Variants in NRG3 observed in about 807,000 individuals in gnomAD.
The protein encoded by NRG3 is neuregulin 3.
NRG3 carries 31 observed loss-of-function variants against 66.9 expected under a neutral mutation model. The observed-to-expected ratio is 0.46, with a 90% CI of 0.35 to 0.63. NRG3 has a LOEUF of 0.63. Among genes scored for constraint, NRG3 ranks in the 20% least tolerant of loss-of-function variants. The pLI is 0.00. For missense variants in NRG3, 910 were observed against 878.9 expected (o/e 1.04, Z -0.45); for synonymous variants, 393 against 359.4 (o/e 1.09, Z -1.06).
At chr10:82,884,469 G>A (rs1394182900) in intron 4 of NRG3, among the ~76,000 whole-genome samples, 1 of 152,002 alleles carries the variant, frequency 6.6e-6, no homozygotes, top group Admixed American at 6.6e-5. Context: ...TTTCTGTTTT[G>A]CCTGATTAAT....
intron 2 of NRG3, among the ~76,000 whole-genome samples, chr10:82,706,673 T>G (rs1027521239): frequency 5.3e-5 from 8 of 152,330 alleles, no homozygotes; most frequent in South Asian, 4.1e-4. Flanking sequence ...TTTGAATATT[T>G]TATTCCAGAC....
At chr10:82,237,688 A>T (rs746327447) in intron 1 of NRG3, among the ~76,000 whole-genome samples, 34 of 152,306 alleles carry the variant, frequency 2.2e-4, no homozygotes, top group Non-Finnish European at 4.4e-4. Context: ...TCCTCTGAGC[A>T]TAAATGGCTC....
At chr10:82,494,441 A>G (rs1359552876) in intron 2 of NRG3, among the ~76,000 whole-genome samples, 1 of 151,894 alleles carries the variant, frequency 6.6e-6, no homozygotes, top group Non-Finnish European at 1.5e-5. Flanking sequence ...AATTCCTTCC[A>G]CTATAGCTTT....
At chr10:82,838,837 G>C (rs2062909937) in intron 3 of NRG3, among the ~76,000 whole-genome samples, 1 of 152,064 alleles carries the variant, frequency 6.6e-6, no homozygotes, top group South Asian at 2.1e-4. Context: ...ACCCGAGACT[G>C]GGTAATTTAT....
At chr10:81,950,965 A>T (rs1485601194) in intron 1 of NRG3, among the ~76,000 whole-genome samples, 3 of 151,542 alleles carry the variant, frequency 2.0e-5, no homozygotes, top group Non-Finnish European at 2.9e-5. Context: ...GAAAAAAAAA[A>T]TTTAAAAATG....
At chr10:82,165,799 G>T (rs1272204198) in intron 1 of NRG3, among the ~76,000 whole-genome samples, 1 of 151,602 alleles carries the variant, frequency 6.6e-6, no homozygotes, top group Non-Finnish European at 1.5e-5. Context: ...ATAAGCCTTG[G>T]AAATCTAAGA....
At chr10:82,705,597 G>A (rs1010857428) in intron 2 of NRG3, among the ~76,000 whole-genome samples, 14 of 152,152 alleles carry the variant, frequency 9.2e-5, no homozygotes, top group African/African-American at 3.1e-4. Context: ...TATAACTCTG[G>A]TCTCAGAAGA....
intron 4 of NRG3, among the ~76,000 whole-genome samples, chr10:82,888,824 G>A (rs1323741670): frequency 3.3e-5 from 5 of 152,008 alleles, no homozygotes; most frequent in African/African-American, 1.2e-4. Flanking sequence ...TAAACAGGGA[G>A]CCAGGGAAGG....
At chr10:82,366,442 C>T (rs1001786828) in intron 2 of NRG3, among the ~76,000 whole-genome samples, 2 of 152,118 alleles carry the variant, frequency 1.3e-5, no homozygotes, top group Non-Finnish European at 2.9e-5. Context: ...GAATTCCTAT[C>T]GCTAATTTTA....
At chr10:82,782,581 G>A (rs998674329) in intron 3 of NRG3, among the ~76,000 whole-genome samples, 2 of 152,064 alleles carry the variant, frequency 1.3e-5, no homozygotes, top group African/African-American at 2.4e-5. Flanking sequence ...TGAAAATGTG[G>A]ACACAGCTTT....
chr10:82,665,893 C>T (rs995596511), intron 2 of NRG3, among the ~76,000 whole-genome samples: 1 of 152,130 alleles, frequency 6.6e-6, no homozygotes, highest in Non-Finnish European at 1.5e-5. Flanking sequence ...CAGACAGTCT[C>T]ACTCTGTTGC....
At chr10:82,023,533 C>A (rs2062157706) in intron 1 of NRG3, among the ~76,000 whole-genome samples, 1 of 151,930 alleles carries the variant, frequency 6.6e-6, no homozygotes, top group Admixed American at 6.6e-5. Flanking sequence ...TATGTTTCTT[C>A]TGTACACAAT....
chr10:82,869,349 A>G (rs1279456229), intron 4 of NRG3, among the ~76,000 whole-genome samples: 2 of 152,152 alleles, frequency 1.3e-5, no homozygotes, highest in Admixed American at 6.5e-5. Flanking sequence ...ATTTGTTACA[A>G]TTGACAAACC....
chr10:82,660,142 G>C (rs1394566226), intron 2 of NRG3, among the ~76,000 whole-genome samples: 1 of 135,168 alleles, frequency 7.4e-6, no homozygotes, highest in African/African-American at 2.8e-5. Flanking sequence ...GTTGCAGTGA[G>C]CTGAGACCGG....
chr10:82,750,193 C>G (rs1267677250), intron 3 of NRG3, among the ~76,000 whole-genome samples: 1 of 152,080 alleles, frequency 6.6e-6, no homozygotes, highest in Non-Finnish European at 1.5e-5. Context: ...AGGAGACAAC[C>G]AACACAGTGC....
intron 2 of NRG3, among the ~76,000 whole-genome samples, chr10:82,380,019 A>G (rs1257795181): frequency 1.3e-5 from 2 of 152,112 alleles, no homozygotes; most frequent in Admixed American, 6.6e-5. Flanking sequence ...ATTGTGTGAA[A>G]TAGGAGAGCA....
At chr10:82,473,815 T>G (rs1298205455) in intron 2 of NRG3, among the ~76,000 whole-genome samples, 1 of 152,074 alleles carries the variant, frequency 6.6e-6, no homozygotes, top group Non-Finnish European at 1.5e-5. Flanking sequence ...GACCGCAGTC[T>G]GAAGGAAGCC....
chr10:82,102,653 G>A (rs2066831799), intron 1 of NRG3, among the ~76,000 whole-genome samples: 1 of 151,700 alleles, frequency 6.6e-6, no homozygotes, highest in African/African-American at 2.4e-5. Context: ...TACACACACA[G>A]TATGTGTAGG....
At chr10:82,589,172 A>G (rs942428425) in intron 2 of NRG3, among the ~76,000 whole-genome samples, 3 of 152,086 alleles carry the variant, frequency 2.0e-5, no homozygotes. Flanking sequence ...GTTCATATCA[A>G]TTATTTTTCA....
Sources: gnomAD v4.1 joint callset for allele counts (sites outside exome capture counted in the v4.1 genomes callset) on GRCh38, gnomAD v4.1.1 for gene constraint, MANE v1.5 for transcripts, NCBI Gene and HGNC (gene_info 2026-07-23, HGNC 2026-07-21) for gene names.